Variants in CHST9 observed in about 807,000 individuals in gnomAD.
CHST9 encodes the protein carbohydrate sulfotransferase 9.
CHST9 carries 41 observed loss-of-function variants against 44.4 expected under a neutral mutation model. The ratio of observed to expected loss-of-function variants is 0.92; its 90% CI spans 0.72 to 1.20. CHST9 has a LOEUF of 1.20. CHST9 is among the 50% of genes most tolerant of loss of function. The probability of loss-of-function intolerance (pLI) is 0.00; values close to 1 mark genes in which losing one functional copy is unlikely to be tolerated. For synonymous variants in CHST9, 171 were observed against 178.4 expected (o/e 0.96, Z 0.33); for missense variants, 504 against 516.5 (o/e 0.98, Z 0.23).
At chr18:26,933,678 A>C (rs2055922003) in intron 5 of CHST9, 1 of 153,750 alleles carries the variant, frequency 6.5e-6, no homozygotes, top group Non-Finnish European at 1.5e-5. Flanking sequence ...TTTACTGAGC[A>C]CCTACTATGT....
At chr18:26,966,376 G>T (rs150881029) in intron 4 of CHST9, among the ~76,000 whole-genome samples, 180 of 152,310 alleles carry the variant, frequency 1.2e-3, no homozygotes, top group Admixed American at 2.0e-3. Context: ...TGTTATTGGT[G>T]TCTTAGACCC....
chr18:27,182,299 T>A (rs1275358345), intron 1 of CHST9, among the ~76,000 whole-genome samples: 2 of 146,146 alleles, frequency 1.4e-5, no homozygotes, highest in African/African-American at 5.1e-5. Context: ...AAATTATCTG[T>A]AGTTTGGGTT....
At chr18:26,974,908 C>CA (rs1174386788) in intron 4 of CHST9, among the ~76,000 whole-genome samples, 1 of 152,158 alleles carries the variant, frequency 6.6e-6, no homozygotes, top group Non-Finnish European at 1.5e-5. Flanking sequence ...ACTCTGACCT[C>CA]AAATGATCCA....
intron 4 of CHST9, among the ~76,000 whole-genome samples, chr18:26,947,111 G>A (rs1056452854): frequency 6.6e-6 from 1 of 152,204 alleles, no homozygotes; most frequent in Non-Finnish European, 1.5e-5. Flanking sequence ...ACTTTGGGCA[G>A]TGTGGCCATT....
chr18:27,173,722 T>C (rs2058848923), intron 1 of CHST9, among the ~76,000 whole-genome samples: 1 of 151,972 alleles, frequency 6.6e-6, no homozygotes, highest in Non-Finnish European at 1.5e-5. Flanking sequence ...ACTCTGTTAA[T>C]TAAACAACTT....
intron 1 of CHST9, among the ~76,000 whole-genome samples, chr18:27,144,187 T>C (rs2058593005): frequency 6.6e-6 from 1 of 152,218 alleles, no homozygotes; most frequent in Non-Finnish European, 1.5e-5. Context: ...GTTTCTTAAA[T>C]GTGAAGATAT....
At chr18:27,017,399 A>T (rs946406351) in intron 4 of CHST9, among the ~76,000 whole-genome samples, 1 of 152,224 alleles carries the variant, frequency 6.6e-6, no homozygotes, top group Non-Finnish European at 1.5e-5. Context: ...TTTGTAATGT[A>T]GTCATACAGT....
chr18:26,956,665 C>A (rs2056330509), intron 4 of CHST9, among the ~76,000 whole-genome samples: 1 of 151,958 alleles, frequency 6.6e-6, no homozygotes, highest in Non-Finnish European at 1.5e-5. Context: ...AAACTTAAGT[C>A]ATTCTCAAAT....
At chr18:27,137,224 A>G (rs1307955612) in intron 2 of CHST9, among the ~76,000 whole-genome samples, 1 of 151,088 alleles carries the variant, frequency 6.6e-6, no homozygotes, top group African/African-American at 2.4e-5. Context: ...TTTATTATTT[A>G]TTAATTATAT....
At chr18:27,126,056 C>T (rs984662987) in intron 2 of CHST9, among the ~76,000 whole-genome samples, 2 of 152,238 alleles carry the variant, frequency 1.3e-5, no homozygotes, top group African/African-American at 4.8e-5. Flanking sequence ...CAGTAAAATA[C>T]CGCATGATAA....
intron 2 of CHST9, among the ~76,000 whole-genome samples, chr18:27,127,957 G>C (rs747279093): frequency 6.6e-6 from 1 of 152,124 alleles, no homozygotes; most frequent in Non-Finnish European, 1.5e-5. Flanking sequence ...CAGTGACATG[G>C]GGAGGAGACG....
At chr18:26,924,937 C>T (rs1222324657) in intron 5 of CHST9, 1 of 152,304 alleles carries the variant, frequency 6.6e-6, no homozygotes, top group Non-Finnish European at 1.5e-5. Context: ...ATTCATTAAA[C>T]ACGTGTTTTC....
chr18:27,020,299 A>C (rs999473037), intron 4 of CHST9, among the ~76,000 whole-genome samples: 13 of 152,164 alleles, frequency 8.5e-5, no homozygotes, highest in African/African-American at 2.9e-4. Context: ...GTAATGTGCC[A>C]TGGGGCAATC....
chr18:26,986,233 G>T (rs2056753761), intron 4 of CHST9, among the ~76,000 whole-genome samples: 1 of 152,070 alleles, frequency 6.6e-6, no homozygotes, highest in Non-Finnish European at 1.5e-5. Context: ...TGGCCAAAAA[G>T]TTAAGTAAAG....
At chr18:27,130,320 C>T (rs993399042) in intron 2 of CHST9, among the ~76,000 whole-genome samples, 9 of 152,088 alleles carry the variant, frequency 5.9e-5, no homozygotes, top group African/African-American at 1.7e-4. Flanking sequence ...TTATTTTAAT[C>T]GATTTTCAAT....
intron 5 of CHST9, among the ~76,000 whole-genome samples, chr18:26,922,587 T>C (rs939448790): frequency 1.3e-5 from 2 of 152,180 alleles, no homozygotes; most frequent in Admixed American, 1.3e-4. Flanking sequence ...TGTGGAATGT[T>C]CATTAAGTCT....
intron 4 of CHST9, among the ~76,000 whole-genome samples, chr18:26,962,958 GT>G (rs977200432): frequency 6.6e-6 from 1 of 152,160 alleles, no homozygotes; most frequent in Non-Finnish European, 1.5e-5. Flanking sequence ...TTTTGTAAAA[GT>G]TTTTTTGTGT....
chr18:27,109,247 C>T (rs1198937187), intron 2 of CHST9, among the ~76,000 whole-genome samples: 3 of 152,066 alleles, frequency 2.0e-5, no homozygotes, highest in East Asian at 1.9e-4. Flanking sequence ...TGGGAGCTGG[C>T]GCATAAGTTA....
intron 2 of CHST9, among the ~76,000 whole-genome samples, chr18:27,095,174 G>C (rs1212335287): frequency 1.3e-5 from 2 of 152,152 alleles, no homozygotes; most frequent in Non-Finnish European, 2.9e-5. Flanking sequence ...AGCAAGATGA[G>C]GGGTTTGTGA....
Sources: allele counts gnomAD v4.1 joint callset (sites outside exome capture counted in the v4.1 genomes callset), GRCh38; gene constraint gnomAD v4.1.1; transcripts MANE v1.5; gene names NCBI Gene and HGNC (gene_info 2026-07-23, HGNC 2026-07-21).